ACO1: variants seen among roughly 807,000 people sequenced by gnomAD.
The protein encoded by ACO1 is aconitase 1, also known as cytoplasmic aconitate hydratase.
Under a neutral mutation model 105.1 loss-of-function variants are expected in ACO1, and 78 were observed. That is an observed-to-expected ratio of 0.74 (90% CI 0.62 to 0.90). ACO1 has a LOEUF of 0.90. Among genes scored for constraint, ACO1 ranks in the 40% least tolerant of loss-of-function variants. The pLI, the probability that ACO1 is intolerant of heterozygous loss-of-function variation, is 0.00. For missense variants in ACO1, 965 were observed against 1,111.1 expected (o/e 0.87, Z 1.87); for synonymous variants, 364 against 397.4 (o/e 0.92, Z 1.00).
At chr9:32,419,774 T>C (rs1821929311) in intron 7 of ACO1, among the ~76,000 whole-genome samples, 1 of 152,256 alleles carries the variant, frequency 6.6e-6, no homozygotes, top group Non-Finnish European at 1.5e-5. Context: ...TGGAAAGTAT[T>C]AGGCTTTTTC....
chr9:32,436,317 A>G lies in ACO1; in HGVS notation c.2167A>G (p.Thr723Ala). The change falls in exon 18 of 21, where the codon ACA becomes GCA. Residue 723 changes from threonine to alanine, a missense_variant. By Grantham distance (58) the Thr-to-Ala change is moderately conservative. Transcript: ENST00000309951. The part of the protein sequence containing the change: ...RGNDAVMARG[T>A]FANIRLLNRF... ...TAATGACGCCGTCATGGCACGGGGA[A>G]CATTTGCCAACATTCGCTTGTTAAA... 1 of 1,614,222 alleles carries G rather than the reference A, an allele frequency of 6.2e-7. No individual in the cohort carries two copies. Among genetic ancestry groups the G allele is most frequent in the Admixed American group, 1.7e-5 (1 of 60,028 alleles).
intron 12 of ACO1, among the ~76,000 whole-genome samples, chr9:32,428,494 G>T (rs1180509762): frequency 6.6e-6 from 1 of 151,202 alleles, no homozygotes; most frequent in Non-Finnish European, 1.5e-5. Context: ...CACTTAACTG[G>T]TTTGCTTTTT....
intron 1 of ACO1, among the ~76,000 whole-genome samples, chr9:32,395,398 C>T (rs892490950): frequency 2.0e-5 from 3 of 152,282 alleles, no homozygotes; most frequent in East Asian, 1.9e-4. Context: ...ATCACTTGAA[C>T]CTGGGGGGCA....
chr9:32,398,491 C>T (rs1403297072), intron 1 of ACO1, among the ~76,000 whole-genome samples: 1 of 151,996 alleles, frequency 6.6e-6, no homozygotes, highest in African/African-American at 2.4e-5. Flanking sequence ...TATGTGCAGT[C>T]TCCCTCACAA....
chr9:32,388,710 C>T (rs1821204458), intron 1 of ACO1, among the ~76,000 whole-genome samples: 1 of 152,136 alleles, frequency 6.6e-6, no homozygotes, highest in African/African-American at 2.4e-5. Flanking sequence ...AGACCAGTAG[C>T]CAGTTCTGGG....
At chr9:32,430,346 T>C in intron 13 of ACO1, 72 bp from the exon 14 acceptor site, 2 of 1,473,798 alleles carry the variant, frequency 1.4e-6, no homozygotes, top group Non-Finnish European at 1.8e-6. Flanking sequence ...GTGGAAACTC[T>C]TGCCAATGGT....
chr9:32,405,531 G>C lies in ACO1; in HGVS notation c.25G>C (p.Ala9Pro). The C allele has an allele frequency of 1.9e-6, 3 of 1,613,970 alleles. No homozygotes were observed. Among genetic ancestry groups the C allele is most frequent in the Non-Finnish European group, 1.7e-6 (2 of 1,179,932 alleles). The part of the protein sequence containing the change: MSNPFAHL[A>P]EPLDPVQPGK... Reference sequence around the variant, plus strand: ...CATGAGCAACCCATTCGCACACCTTGCTGAGCCATTGGATCCTGTACAACC... The same window carrying C: ...CATGAGCAACCCATTCGCACACCTTCCTGAGCCATTGGATCCTGTACAACC... Residue 9 changes from alanine (A) to proline (P), a missense_variant, in exon 2 of 21, where the codon GCT becomes CCT. By Grantham distance (27) the Ala-to-Pro change is conservative. Coordinates refer to ENST00000309951, the MANE Select transcript of ACO1 (RefSeq NM_002197.3).
At chr9:32,409,808 T>A (rs182139001) in intron 4 of ACO1, among the ~76,000 whole-genome samples, 11 of 152,016 alleles carry the variant, frequency 7.2e-5, no homozygotes, top group African/African-American at 2.7e-4. Context: ...ACCAGTTGGG[T>A]GACAGAGCGA....
At chr9:32,393,959 C>G (rs1298138876) in intron 1 of ACO1, among the ~76,000 whole-genome samples, 2 of 152,142 alleles carry the variant, frequency 1.3e-5, no homozygotes, top group African/African-American at 4.8e-5. Context: ...CTCTGAAAAT[C>G]AAATCTCATC....
At chr9:32,394,429 T>C (rs866105878) in intron 1 of ACO1, among the ~76,000 whole-genome samples, 6 of 152,180 alleles carry the variant, frequency 3.9e-5, no homozygotes, top group South Asian at 2.1e-4. Flanking sequence ...TCATCCCAGG[T>C]CTGTAAATGT....
intron 16 of ACO1, 87 bp from the exon 17 acceptor site, chr9:32,434,472 G>A: frequency 6.6e-7 from 1 of 1,511,672 alleles, no homozygotes; most frequent in South Asian, 1.2e-5. Flanking sequence ...CTCTGATTCA[G>A]GTCCATGGGC....
intron 1 of ACO1, among the ~76,000 whole-genome samples, chr9:32,401,121 G>A (rs1257343489): frequency 6.6e-6 from 1 of 152,084 alleles, no homozygotes; most frequent in Non-Finnish European, 1.5e-5. Context: ...TGCCCTTACT[G>A]TGGCTTTTGG....
intron 4 of ACO1, among the ~76,000 whole-genome samples, chr9:32,411,703 G>A (rs923999036): frequency 3.3e-5 from 5 of 152,094 alleles, no homozygotes; most frequent in African/African-American, 7.2e-5. Context: ...CAATATAGTT[G>A]AGATTAGAAA....
rs543516469 is a variant in ACO1 at position 32,433,718 on chromosome 9, CTTTTT to C, written c.1852-8_1852-4del. On this transcript the variant is annotated splice_region_variant and splice_polypyrimidine_tract_variant and intron_variant, in intron 15 of 20. Transcript: ENST00000309951. The stretch of plus-strand genomic sequence containing the variant: ...ATGTGATTAGATCTGCCTTTCTTTT[CTTTTT>C]TAAGACTGTGAATGAAAGCTGGAAT... The C allele has an allele frequency of 2.0e-4, 325 of 1,586,468 alleles. 1 individual carries two copies. Among genetic ancestry groups the C allele is most frequent in the Non-Finnish European group, 2.6e-4 (306 of 1,171,152 alleles).
chr9:32,428,553 G>C (rs984578734), intron 12 of ACO1, among the ~76,000 whole-genome samples: 8 of 151,752 alleles, frequency 5.3e-5, no homozygotes, highest in African/African-American at 1.9e-4. Flanking sequence ...TAAAAAGTCA[G>C]CATGGCTGGG....
chr9:32,411,106 TC>T (rs1318109611), intron 4 of ACO1, among the ~76,000 whole-genome samples: 3 of 151,854 alleles, frequency 2.0e-5, no homozygotes, highest in Non-Finnish European at 4.4e-5. Flanking sequence ...GTGCCATTGA[TC>T]AAAGCAAATC....
At chr9:32,417,411 G>A (rs1821873804) in intron 4 of ACO1, among the ~76,000 whole-genome samples, 1 of 152,144 alleles carries the variant, frequency 6.6e-6, no homozygotes, top group African/African-American at 2.4e-5. Context: ...TATGATACAT[G>A]CTTTATGAGC....
intron 19 of ACO1, among the ~76,000 whole-genome samples, chr9:32,443,210 T>G (rs1261772038): frequency 1.3e-5 from 2 of 152,126 alleles, no homozygotes; most frequent in East Asian, 3.9e-4. Flanking sequence ...GAAAATTTAT[T>G]AAGCCATTTT....
intron 15 of ACO1, among the ~76,000 whole-genome samples, chr9:32,432,241 TAAAAATAA>T (rs1822255544): frequency 2.0e-5 from 3 of 152,250 alleles, no homozygotes; most frequent in South Asian, 4.1e-4. Flanking sequence ...TTTGCACACT[TAAAAATAA>T]AGAAATTAAG....
Sources: gnomAD v4.1 joint callset for allele counts (sites outside exome capture counted in the v4.1 genomes callset) on GRCh38, gnomAD v4.1.1 for gene constraint, MANE v1.5 for transcripts, NCBI Gene and HGNC (gene_info 2026-07-23, HGNC 2026-07-21) for gene names.